DENND4C: variants seen among roughly 807,000 people sequenced by gnomAD.
DENND4C encodes the protein DENN domain containing 4C.
In DENND4C, 108 loss-of-function variants were observed where a neutral mutation model predicts 203.0. The observed-to-expected ratio is 0.53, with a 90% CI of 0.46 to 0.62. DENND4C has a LOEUF of 0.62. Among genes scored for constraint, DENND4C ranks in the 20% least tolerant of loss-of-function variants. The pLI, the probability that DENND4C is intolerant of heterozygous loss-of-function variation, is 0.00. For missense variants in DENND4C, 2,481 were observed against 2,301.2 expected (o/e 1.08, Z -1.60); for synonymous variants, 871 against 792.4 (o/e 1.10, Z -1.67).
At chr9:19,284,271 C>G (rs1834762376) in intron 2 of DENND4C, among the ~76,000 whole-genome samples, 1 of 152,138 alleles carries the variant, frequency 6.6e-6, no homozygotes, top group Non-Finnish European at 1.5e-5. Flanking sequence ...GGCAATCACT[C>G]TGTATCTGAA....
chr9:19,365,579 AAAAAG>A (rs1347999846), intron 30 of DENND4C, among the ~76,000 whole-genome samples: 1 of 151,956 alleles, frequency 6.6e-6, no homozygotes, highest in Non-Finnish European at 1.5e-5. Flanking sequence ...CTGGAAAGGA[AAAAAG>A]TAAGTGTATC....
rs1588954339 is a variant in DENND4C at position 19,341,711 on chromosome 9, C to T, written c.3004+597C>T. 3.3e-5 allele frequency among the ~76,000 whole-genome samples: 5 copies of T among 152,268 alleles called. 1 individual carries two copies. The South Asian group carries it at 1.0e-3, about 32-fold the overall frequency. On this transcript the variant is annotated intron_variant, in intron 21 of 32. Coordinates refer to ENST00000434457, the MANE Select transcript of DENND4C (RefSeq NM_001330640.2). ...AATTACATAGCTACTTTTGACAGAA[C>T]CAGGACTAAACTTTGAGTTATTAAA...
chr9:19,313,311 G>A lies in DENND4C; in HGVS notation c.1488-3106G>A, dbSNP rs58491486. 3.5e-3 allele frequency among the ~76,000 whole-genome samples: 528 copies of A among 151,972 alleles called. 2 individuals carry two copies. Among genetic ancestry groups the A allele is most frequent in the African/African-American group, 0.012 (479 of 41,446 alleles). Reference sequence around the variant, plus strand: ...AAAACAATGAATTTTACAATTGATGGCCCCTTAGATTAGATGAAATGTAGT... The same window carrying A: ...AAAACAATGAATTTTACAATTGATGACCCCTTAGATTAGATGAAATGTAGT... On this transcript the variant is annotated intron_variant, in intron 10 of 32. Coordinates refer to ENST00000434457, the MANE Select transcript of DENND4C (RefSeq NM_001330640.2).
Position 19,244,622 on chromosome 9 carries a change from C to G in DENND4C, c.-18+13789C>G, listed in dbSNP as rs141808674. On this transcript the variant is annotated intron_variant, in intron 1 of 32. Transcript: ENST00000434457. ...GGGCGTGGTTGCACGTGACTGTAGT[C>G]TCAGCTACTTGGGAGGCTGAGGCAG... 4.0e-3 allele frequency among the ~76,000 whole-genome samples: 602 copies of G among 151,866 alleles called. 2 individuals are homozygous for G. The highest frequency in any genetic ancestry group is 6.5e-3 in the Non-Finnish European group (441 of 67,992).
intron 1 of DENND4C, among the ~76,000 whole-genome samples, chr9:19,264,859 T>A (rs1380438525): frequency 6.6e-6 from 1 of 152,130 alleles, no homozygotes; most frequent in East Asian, 1.9e-4. Context: ...CTTTTCTAAT[T>A]CTTTAAGATT....
rs1261638595 is a variant in DENND4C at position 19,280,392 on chromosome 9, G to C, written c.305+3913G>C. Among the ~76,000 whole-genome samples, 3 of 152,136 alleles carry C rather than the reference G, an allele frequency of 2.0e-5. No homozygotes were observed. In the East Asian group the frequency reaches 5.8e-4, roughly 29 times the overall value. ...GAACTCCTGACCTCGTGATCCACCTGCCTCTGCCTCCCAAAGTGTTGAGGT... is the reference window on the plus strand; with the variant it reads ...GAACTCCTGACCTCGTGATCCACCTCCCTCTGCCTCCCAAAGTGTTGAGGT... On this transcript the variant is annotated intron_variant, in intron 2 of 32. Coordinates refer to ENST00000434457, the MANE Select transcript of DENND4C (RefSeq NM_001330640.2).
chr9:19,356,511 G>C (rs897009256), intron 26 of DENND4C, among the ~76,000 whole-genome samples: 2 of 151,842 alleles, frequency 1.3e-5, no homozygotes, highest in African/African-American at 4.8e-5. Flanking sequence ...GAACAGAGAA[G>C]AAATGATTAG....
chr9:19,279,437 G>C (rs1465481244), intron 2 of DENND4C, among the ~76,000 whole-genome samples: 1 of 152,150 alleles, frequency 6.6e-6, no homozygotes, highest in Non-Finnish European at 1.5e-5. Context: ...CACTTTGGGA[G>C]GCGGAGGCAA....
In DENND4C at chr9:19,342,760, C is replaced by T. The variant is rs1489751278; in HGVS notation, c.3132C>T (p.Asn1044=). The T allele has an allele frequency of 1.2e-6, 2 of 1,605,282 alleles. No individual in the cohort carries two copies. The highest frequency in any genetic ancestry group is 1.7e-5 in the Admixed American group (1 of 58,360). ...VKVPSGIFDV[N]SRKSSTGSIS... ...TTCCGTCTGGTATATTTGATGTCAACAGCAGGAAAAGTAGCACTGGTGAGT... is the reference window on the plus strand; with the variant it reads ...TTCCGTCTGGTATATTTGATGTCAATAGCAGGAAAAGTAGCACTGGTGAGT... Residue 1044 remains asparagine (N), a synonymous_variant, in exon 22 of 33, where the codon AAC becomes AAT. Coordinates refer to ENST00000434457, the MANE Select transcript of DENND4C (RefSeq NM_001330640.2).
intron 1 of DENND4C, among the ~76,000 whole-genome samples, chr9:19,254,996 G>T (rs1416947734): frequency 6.6e-6 from 1 of 151,980 alleles, no homozygotes; most frequent in African/African-American, 2.4e-5. Context: ...AGCCAGGTGT[G>T]GTGGTGGTGG....
chr9:19,334,025 CT>C (rs1167375671), intron 17 of DENND4C, among the ~76,000 whole-genome samples: 5 of 151,874 alleles, frequency 3.3e-5, no homozygotes, highest in Admixed American at 1.3e-4. Flanking sequence ...TTCAATTATA[CT>C]TGATTTTATT....
intron 30 of DENND4C, among the ~76,000 whole-genome samples, chr9:19,367,693 T>C (rs189432143): frequency 3.9e-5 from 6 of 152,350 alleles, no homozygotes; most frequent in Admixed American, 1.3e-4. Flanking sequence ...TGAGCTGAGA[T>C]TCTGCTGCTG....
At position 19,328,031 on chromosome 9, in the gene DENND4C, T is replaced by A. The variant is rs771665805; in HGVS notation, c.2122T>A (p.Tyr708Asn). The change falls in exon 16 of 33, where the codon TAC (tyrosine) becomes AAC (asparagine). Residue 708 changes from tyrosine (Y) to asparagine (N), a missense_variant and splice_region_variant. Tyr to Asn is a moderately radical substitution (Grantham distance 143). This residue lies in a region of DENND4C where 2,289 missense variants were observed against 2,113.3 expected (regional missense o/e 1.08). Transcript: ENST00000434457. ...DGKDLSPKYS[Y>N]KYFPRLDLKL... is the part of the protein sequence containing the mutation. ...GTTCTATTTTTTTTTTTATTTTAGT[T>A]ACAAATACTTTCCAAGACTGGACCT... 3 of 1,589,400 alleles carry A rather than the reference T, an allele frequency of 1.9e-6. No individual in the cohort carries two copies. In the South Asian group the frequency reaches 3.5e-5, roughly 19 times the overall value.
chr9:19,295,545 C>T (rs1039041645), intron 5 of DENND4C, among the ~76,000 whole-genome samples: 1 of 151,446 alleles, frequency 6.6e-6, no homozygotes, highest in African/African-American at 2.4e-5. Context: ...TGTGGTGGCA[C>T]ATGCCTGTAA....
chr9:19,276,486 T>G lies in DENND4C; in HGVS notation c.305+7T>G. ...CACCGCTTACAGATATTGGGTATGGTGACTTCTTTTCTTTGCTATAGTGAA... is the reference window on the plus strand; with the variant it reads ...CACCGCTTACAGATATTGGGTATGGGGACTTCTTTTCTTTGCTATAGTGAA... On this transcript the variant is annotated splice_region_variant and intron_variant, in intron 2 of 32. Transcript: ENST00000434457. 4 of 1,231,418 alleles carry G rather than the reference T, an allele frequency of 3.2e-6. No individual in the cohort carries two copies. The highest frequency in any genetic ancestry group is 4.1e-6 in the Non-Finnish European group (4 of 987,332). The allele number at this position is 1,231,418 out of a possible 1,614,324, so 76.3% of individuals were successfully genotyped here.
chr9:19,340,602 T>C (rs1187546085), intron 20 of DENND4C, among the ~76,000 whole-genome samples: 1 of 152,154 alleles, frequency 6.6e-6, no homozygotes, highest in Non-Finnish European at 1.5e-5. Context: ...TAGGTAACCA[T>C]CTTTACTGTT....
chr9:19,315,997 G>A (rs1371292692), intron 10 of DENND4C, among the ~76,000 whole-genome samples: 1 of 152,110 alleles, frequency 6.6e-6, no homozygotes, highest in Non-Finnish European at 1.5e-5. Flanking sequence ...TTAACTGTGA[G>A]GGCTGGATGA....
At chr9:19,370,092 C>T (rs745657948) in intron 31 of DENND4C, 105 bp downstream of exon 31, 4 of 1,278,400 alleles carry the variant, frequency 3.1e-6, no homozygotes, top group East Asian at 2.5e-5. Context: ...AACACATACT[C>T]ATTGCAAAAC....
At chr9:19,259,205 A>T (rs1358828382) in intron 1 of DENND4C, among the ~76,000 whole-genome samples, 1 of 151,944 alleles carries the variant, frequency 6.6e-6, no homozygotes, top group African/African-American at 2.4e-5. Context: ...TTCTAACCCT[A>T]TTTTTGTATG....
Sources: allele counts gnomAD v4.1 joint callset (sites outside exome capture counted in the v4.1 genomes callset), GRCh38; gene constraint gnomAD v4.1.1; regional missense constraint gnomAD v4.1.1; transcripts MANE v1.5; gene names NCBI Gene and HGNC (gene_info 2026-07-23, HGNC 2026-07-21).